The following ZNF280C variants were observed in gnomAD, a reference collection of about 807,000 sequenced individuals.
ZNF280C encodes the protein zinc finger protein 280C, also known as suppressor of hairy wing homolog 3.
In ZNF280C, 14 loss-of-function variants were observed where a neutral mutation model predicts 53.6. That is an observed-to-expected ratio of 0.26 (90% CI 0.17 to 0.41). The LOEUF is 0.41. Ranked by LOEUF, ZNF280C falls within the 10% of genes least tolerant of loss-of-function variation. The pLI, the probability that ZNF280C is intolerant of heterozygous loss-of-function variation, is 1.00. For missense variants in ZNF280C, 416 were observed against 547.1 expected (o/e 0.76, Z 2.39); for synonymous variants, 203 against 181.1 (o/e 1.12, Z -0.97).
intron 1 of ZNF280C, among the ~76,000 whole-genome samples, chrX:130,268,076 T>C (rs1569442453): frequency 1.8e-5 from 2 of 111,914 alleles, no homozygotes; most frequent in Non-Finnish European, 3.8e-5. Context: ...AGCATAATTT[T>C]TTCCATCTCT....
At chrX:130,267,937 G>C (rs1472202706) in intron 1 of ZNF280C, among the ~76,000 whole-genome samples, 1 of 112,038 alleles carries the variant, frequency 8.9e-6, no homozygotes, top group Non-Finnish European at 1.9e-5. Context: ...TCCCCTGGAT[G>C]AAGGTCTCCC....
intron 2 of ZNF280C, among the ~76,000 whole-genome samples, chrX:130,251,281 T>TCAAAAAAAAAAAAAAAAAAAAAAA (rs2032504937): frequency 6.5e-5 from 1 of 15,502 alleles, no homozygotes; most frequent in Non-Finnish European, 8.8e-5. Context: ...AGGACCTGTC[T>TCAAAAAAAAAAAAAAAAAAAAAAA]CAAAAAAAAA....
rs2031946483 is a variant in ZNF280C, at chrX:130,204,206, C to T, written c.*771G>A. ...AGCAGCCAAAATGGTTAAACGTCAA[C>T]CTGGATGTTGAAGCACTGATCTCAT... is the stretch of plus-strand genomic sequence containing the variant. On this transcript the variant is annotated 3_prime_UTR_variant, in exon 19 of 19. Transcript: ENST00000370978. 8.9e-6 allele frequency: 1 copy of T among 112,673 alleles called. No individual in the cohort carries two copies. The highest frequency in any genetic ancestry group is 1.9e-5 in the Non-Finnish European group (1 of 53,315). The allele number at this position is 112,673 out of a possible 1,213,427, so 9.3% of individuals were successfully genotyped here.
At chrX:130,219,444 G>A (rs1013073778) in intron 13 of ZNF280C, among the ~76,000 whole-genome samples, 7 of 90,527 alleles carry the variant, frequency 7.7e-5, no homozygotes, top group African/African-American at 2.2e-4. Flanking sequence ...CTGAGATCGC[G>A]CCACTGCACT....
rs1409278435 is a variant in ZNF280C, at chrX:130,229,136, TACAA to T, written c.990-6_990-3del. ...TGATGTTTCATGTGGTTCATAAACC[TACAA>T]ACAATTTGCCAGTAAGAGCAAAAAT... On this transcript the variant is annotated splice_polypyrimidine_tract_variant and splice_region_variant and intron_variant, in intron 9 of 18. Transcript: ENST00000370978. 3 of 1,189,853 alleles carry T rather than the reference TACAA, an allele frequency of 2.5e-6. No homozygotes were observed. Among genetic ancestry groups the T allele is most frequent in the Non-Finnish European group, 3.4e-6 (3 of 882,771 alleles).
In ZNF280C at chrX:130,215,384, CAG is replaced by C. The variant is rs371662133; in HGVS notation, c.1839-53_1839-52del. On this transcript the variant is annotated intron_variant, in intron 14 of 18. Coordinates refer to ENST00000370978, the MANE Select transcript of ZNF280C (RefSeq NM_017666.5). The stretch of plus-strand genomic sequence containing the variant: ...AAAAGAGATTATAAAACAAAAATAA[CAG>C]GGGAAAATCTTATTAACATTTTATT... The C allele has an allele frequency of 3.8e-5, 40 of 1,056,537 alleles. 1 individual carries two copies. The highest frequency in any genetic ancestry group is 2.5e-4 in the African/African-American group (13 of 51,690). The allele number at this position is 1,056,537 out of a possible 1,213,427, so 87.1% of individuals were successfully genotyped here.
chrX:130,239,461 C>T (rs1370151046), intron 6 of ZNF280C, 121 bp downstream of exon 6: 1 of 411,607 alleles, frequency 2.4e-6, no homozygotes, highest in East Asian at 3.8e-5. Flanking sequence ...AGCTCTATTC[C>T]ATGTTATAAT....
rs762476112 is a variant in ZNF280C, at chrX:130,226,786, G to T, written c.1368C>A (p.Pro456=). ...GATGCTTCATGTAATGATTCATGTA[G>T]GGGGTTGCCATTTTACTAACTTTGA... ...FCLKVSKMAT[P]YMNHYMKHQK... The change falls in exon 12 of 19, where the codon CCC becomes CCA. Residue 456 remains proline (P), a synonymous_variant. Coordinates refer to ENST00000370978, the MANE Select transcript of ZNF280C (RefSeq NM_017666.5). 8.3e-7 allele frequency: 1 copy of T among 1,208,506 alleles called. No homozygotes were observed. The highest frequency in any genetic ancestry group is 1.8e-5 in the African/African-American group (1 of 57,119).
rs1285859154 is a variant in ZNF280C, at chrX:130,204,653, C to G, written c.*324G>C. 3 of 207,155 alleles carry G rather than the reference C, an allele frequency of 1.4e-5. No homozygotes were observed. The highest frequency in any genetic ancestry group is 8.8e-5 in the African/African-American group (3 of 34,223). The allele number at this position is 207,155 out of a possible 1,213,427, so 17.1% of individuals were successfully genotyped here. On this transcript the variant is annotated 3_prime_UTR_variant, in exon 19 of 19. Transcript: ENST00000370978. ...TAAGAAATTAAGAAAGCAGACAAAA[C>G]AGACAGAAAAAGATGAACAGTCATA...
chrX:130,213,417 G>C (rs192508971), intron 15 of ZNF280C, among the ~76,000 whole-genome samples: 1 of 111,440 alleles, frequency 9.0e-6, no homozygotes, highest in Admixed American at 9.5e-5. Flanking sequence ...ATTTTTAAAA[G>C]GGCAGGACCA....
rs1003999538 is a variant in ZNF280C at position 130,268,835 on chromosome X, C to G, written c.-90G>C. On this transcript the variant is annotated 5_prime_UTR_variant, in exon 1 of 19. Coordinates refer to ENST00000370978, the MANE Select transcript of ZNF280C (RefSeq NM_017666.5). The stretch of plus-strand genomic sequence containing the variant: ...GAAAGAGGAGGAGGAAAGGGAGGAG[C>G]GCGAAAAACCTCAGGCGACAGCCTC... 3 of 112,351 alleles carry G rather than the reference C, an allele frequency of 2.7e-5. No individual in the cohort carries two copies. The highest frequency in any genetic ancestry group is 9.7e-5 in the African/African-American group (3 of 30,836). 9.3% of individuals were successfully genotyped at this position (112,351 alleles called of 1,213,427 possible).
chrX:130,244,496 G>A (rs913847202), intron 3 of ZNF280C, among the ~76,000 whole-genome samples: 14 of 111,059 alleles, frequency 1.3e-4, no homozygotes, highest in Non-Finnish European at 1.7e-4. Context: ...ACCAGATCCC[G>A]GCCAGGCGGG....
In ZNF280C at chrX:130,216,004, G is replaced by A. The variant is rs377580972; in HGVS notation, c.1625C>T (p.Pro542Leu). 19 of 1,209,287 alleles carry A rather than the reference G, an allele frequency of 1.6e-5. No individual in the cohort carries two copies. Among genetic ancestry groups the A allele is most frequent in the African/African-American group, 5.3e-5 (3 of 57,106 alleles). ...TCTAGCAGTTGTATTTTGAGATGTC[G>A]GAGGTGTGACCTGAAGAAAAGAAGT... ...PGTSFLQVTPPTSQNTTARNP... is the reference protein window; with the variant it reads ...PGTSFLQVTPLTSQNTTARNP... Residue 542 changes from proline to leucine, a missense_variant, in exon 14 of 19, where the codon CCG becomes CTG. Coordinates refer to ENST00000370978, the MANE Select transcript of ZNF280C (RefSeq NM_017666.5).
At chrX:130,206,819 T>A (rs1266695397) in intron 16 of ZNF280C, among the ~76,000 whole-genome samples, 1 of 112,101 alleles carries the variant, frequency 8.9e-6, no homozygotes, top group Non-Finnish European at 1.9e-5. Flanking sequence ...ATACTGAGGC[T>A]CAAATTTGTA....
chrX:130,224,431 G>C (rs931412438), intron 12 of ZNF280C, among the ~76,000 whole-genome samples: 5 of 112,011 alleles, frequency 4.5e-5, no homozygotes, highest in Non-Finnish European at 9.4e-5. Context: ...GACAGCACCT[G>C]TGGCACCTCA....
rs61571389 is a variant in ZNF280C at position 130,251,282 on chromosome X, C to CAAAAAAAAAAAAAAAAAAAAAAAAA, written c.32-4302_32-4278dup. ...AGGCAAACGCAGTAAGGACCTGTCT[C>CAAAAAAAAAAAAAAAAAAAAAAAAA]AAAAAAAAAAAAAAAAAAAAAAAAA... is the stretch of plus-strand genomic sequence containing the variant. On this transcript the variant is annotated intron_variant, in intron 2 of 18. Transcript: ENST00000370978. Among the ~76,000 whole-genome samples, 2 of 15,339 alleles carry CAAAAAAAAAAAAAAAAAAAAAAAAA rather than the reference C, an allele frequency of 1.3e-4. 1 individual carries two copies. The highest frequency in any genetic ancestry group is 7.7e-4 in the African/African-American group (2 of 2,590). The allele number at this position is 15,339 out of a possible 115,157, so 13.3% of individuals were successfully genotyped here.
At chrX:130,224,075 C>T (rs1466653327) in intron 12 of ZNF280C, among the ~76,000 whole-genome samples, 1 of 111,933 alleles carries the variant, frequency 8.9e-6, no homozygotes, top group Non-Finnish European at 1.9e-5. Flanking sequence ...CCTGTGTCCC[C>T]TCCGCCCCCC....
chrX:130,222,323 CACACACA>C (rs1239369767), intron 12 of ZNF280C, among the ~76,000 whole-genome samples: 2 of 108,173 alleles, frequency 1.8e-5, no homozygotes, highest in African/African-American at 6.8e-5. Context: ...CACACACACA[CACACACA>C]CCCTTCTCTA....
rs1189055080 is a variant in ZNF280C at position 130,243,810 on chromosome X, T to G, written c.234A>C (p.Pro78=). 8.4e-7 allele frequency: 1 copy of G among 1,190,526 alleles called. No homozygotes were observed. The highest frequency in any genetic ancestry group is 1.1e-6 in the Non-Finnish European group (1 of 884,055). Residue 78 remains proline, a synonymous_variant, in exon 4 of 19, where the codon CCA becomes CCC. Coordinates refer to ENST00000370978, the MANE Select transcript of ZNF280C (RefSeq NM_017666.5). ...ACAGTAATACTGTACCTGGACTGTG[T>G]GGCTCACTCTTTATTCCTTTTGAAG... ...SSSSKGIKSE[P]HSPGIPEIFR... is the part of the protein sequence containing the mutation.
Sources: allele counts gnomAD v4.1 joint callset (sites outside exome capture counted in the v4.1 genomes callset), GRCh38; gene constraint gnomAD v4.1.1; transcripts MANE v1.5; gene names NCBI Gene and HGNC (gene_info 2026-07-23, HGNC 2026-07-21).